SPATA6: variants seen among roughly 807,000 people sequenced by gnomAD.
The protein encoded by SPATA6 is spermatogenesis associated 6, also known as spermatogenesis-associated protein 6.
Under a neutral mutation model 65.3 loss-of-function variants are expected in SPATA6, and 56 were observed. That is an observed-to-expected ratio of 0.86 (90% CI 0.69 to 1.07). The LOEUF is 1.07. SPATA6 is among the 50% of genes least tolerant of loss of function. SPATA6 has a pLI of 0.00. For missense variants in SPATA6, 590 were observed against 594.8 expected, an observed-to-expected ratio of 0.99 and a Z score of 0.08; for synonymous variants, 199 against 213.2, an observed-to-expected ratio of 0.93 and a Z score of 0.58.
chr1:48,285,834 C>T, the SPATA6 span, among the ~76,000 whole-genome samples: 28 of 152,284 alleles, frequency 1.8e-4, no homozygotes, highest in East Asian at 4.4e-3. Flanking sequence ...AATCACCCAC[C>T]TTCTACATTG....
intron 11 of SPATA6, among the ~76,000 whole-genome samples, chr1:48,317,689 A>T (rs930970970): frequency 5.3e-5 from 8 of 152,134 alleles, no homozygotes; most frequent in Non-Finnish European, 8.8e-5. Context: ...AAAATAAAAA[A>T]CTTAACACAA....
chr1:48,449,638 C>T (rs1242425977), intron 3 of SPATA6, among the ~76,000 whole-genome samples: 5 of 152,164 alleles, frequency 3.3e-5, no homozygotes, highest in Non-Finnish European at 7.3e-5. Context: ...GAGAAATCGA[C>T]ATATATGGTG....
downstream of SPATA6, among the ~76,000 whole-genome samples, chr1:48,292,523 G>A (rs1217452742): frequency 6.6e-6 from 1 of 152,218 alleles, no homozygotes; most frequent in Non-Finnish European, 1.5e-5. Context: ...CACACAACAG[G>A]AGGGTTGGTG....
At chr1:48,417,828 A>AAAAACAAAAAAACAAAAC (rs1393373278) in intron 3 of SPATA6, among the ~76,000 whole-genome samples, 25 of 152,270 alleles carry the variant, frequency 1.6e-4, no homozygotes, top group Non-Finnish European at 2.5e-4. Flanking sequence ...ACTCCATCTC[A>AAAAACAAAAAAACAAAAC]AAAACAAAAA....
chr1:48,435,383 C>T (rs1654813611), intron 3 of SPATA6, among the ~76,000 whole-genome samples: 3 of 151,932 alleles, frequency 2.0e-5, no homozygotes, highest in Admixed American at 2.0e-4. Flanking sequence ...CCAATCAGCA[C>T]TCTGTCTAGC....
intron 1 of SPATA6, among the ~76,000 whole-genome samples, chr1:48,460,050 A>G (rs532935018): frequency 6.6e-6 from 1 of 152,194 alleles, no homozygotes; most frequent in East Asian, 1.9e-4. Context: ...AGCTCACTGC[A>G]GCCTCAAACT....
chr1:48,403,180 A>G (rs1254259758), intron 6 of SPATA6, among the ~76,000 whole-genome samples: 1 of 152,158 alleles, frequency 6.6e-6, no homozygotes, highest in Non-Finnish European at 1.5e-5. Context: ...ATTTAAAAAA[A>G]GGAAAAACAA....
At chr1:48,273,858 T>C in the SPATA6 span, among the ~76,000 whole-genome samples, 5 of 152,258 alleles carry the variant, frequency 3.3e-5, no homozygotes, top group East Asian at 9.7e-4. Context: ...GCCTGTGCCC[T>C]GTAATGGGAT....
At chr1:48,332,619 A>G (rs1172401376) in intron 11 of SPATA6, among the ~76,000 whole-genome samples, 1 of 152,216 alleles carries the variant, frequency 6.6e-6, no homozygotes, top group Non-Finnish European at 1.5e-5. Context: ...CTCCCACAGA[A>G]TAATAGTGGA....
chr1:48,300,817 A>G (rs1195075350), intron 12 of SPATA6, among the ~76,000 whole-genome samples: 2 of 152,124 alleles, frequency 1.3e-5, no homozygotes, highest in African/African-American at 4.8e-5. Context: ...AAAAAGTATA[A>G]TCATTTCAAT....
intron 3 of SPATA6, among the ~76,000 whole-genome samples, chr1:48,426,538 T>C (rs948385151): frequency 2.0e-5 from 3 of 152,036 alleles, no homozygotes; most frequent in Non-Finnish European, 4.4e-5. Flanking sequence ...AGAGACAGAA[T>C]ACCCTAGAAA....
intron 1 of SPATA6, among the ~76,000 whole-genome samples, chr1:48,466,486 A>G (rs900270484): frequency 1.3e-5 from 2 of 152,138 alleles, no homozygotes; most frequent in African/African-American, 2.4e-5. Context: ...CAACTTCAGG[A>G]TATTAGTTAT....
chr1:48,403,963 T>A, intron 5 of SPATA6, 81 bp from the exon 6 acceptor site: 1 of 977,198 alleles, frequency 1.0e-6, no homozygotes, highest in Non-Finnish European at 1.5e-6. Context: ...TGACCTAAAG[T>A]AACAAACACC....
At chr1:48,428,634 T>C (rs1048777698) in intron 3 of SPATA6, among the ~76,000 whole-genome samples, 6 of 152,088 alleles carry the variant, frequency 3.9e-5, no homozygotes, top group Non-Finnish European at 5.9e-5. Flanking sequence ...TCTTCATCCT[T>C]GTCTTCACAT....
At chr1:48,455,830 CAAG>C (rs1656960085) in intron 1 of SPATA6, among the ~76,000 whole-genome samples, 1 of 152,046 alleles carries the variant, frequency 6.6e-6, no homozygotes, top group Non-Finnish European at 1.5e-5. Context: ...GTAACATATG[CAAG>C]AAGGCATTGT....
At chr1:48,385,188 T>C in intron 9 of SPATA6, 121 bp downstream of exon 9, 2 of 868,688 alleles carry the variant, frequency 2.3e-6, no homozygotes, top group Non-Finnish European at 3.3e-6. Flanking sequence ...ACAATTATTG[T>C]TTTTACATTT....
At chr1:48,398,872 T>G (rs1477670126) in intron 7 of SPATA6, among the ~76,000 whole-genome samples, 1 of 151,880 alleles carries the variant, frequency 6.6e-6, no homozygotes, top group Non-Finnish European at 1.5e-5. Flanking sequence ...CCCATAACCA[T>G]CAAACAATAA....
rs932801139 is a variant in SPATA6, at chr1:48,348,254, C to G, written c.1194+7416G>C. Among the ~76,000 whole-genome samples, 4 of 152,124 alleles carry G rather than the reference C, an allele frequency of 2.6e-5. No individual in the cohort carries two copies. In the South Asian group the frequency reaches 6.2e-4, roughly 24 times the overall value. ...CACCCAAGGGGACAGAAAGCAAGCT[C>G]TACTTCCTGTAGGGGGTACAACATT... On this transcript the variant is annotated intron_variant, in intron 11 of 12. Coordinates refer to ENST00000371847, the MANE Select transcript of SPATA6 (RefSeq NM_019073.4).
chr1:48,282,082 G>A, the SPATA6 span, among the ~76,000 whole-genome samples: 4 of 152,148 alleles, frequency 2.6e-5, no homozygotes, highest in Non-Finnish European at 5.9e-5. Flanking sequence ...AAGAAATGGG[G>A]AAAGGATTCC....
Sources: allele counts gnomAD v4.1 joint callset (sites outside exome capture counted in the v4.1 genomes callset), GRCh38; gene constraint gnomAD v4.1.1; transcripts MANE v1.5; gene names NCBI Gene and HGNC (gene_info 2026-07-23, HGNC 2026-07-21).